C10orf67: variants seen among roughly 807,000 people sequenced by gnomAD.
C10orf67 encodes uncharacterized protein C10orf67, mitochondrial.
C10orf67 carries 60 observed loss-of-function variants against 35.6 expected under a neutral mutation model. That is an observed-to-expected ratio of 1.68 (90% confidence interval 1.37 to 2.09). The LOEUF is 2.09. Among genes scored for constraint, C10orf67 ranks in the 30% most tolerant of loss-of-function variants. C10orf67 has a pLI of 0.00. For synonymous variants in C10orf67, 167 were observed against 115.8 expected (o/e 1.44, Z -2.84); for missense variants, 474 against 330.2 (o/e 1.44, Z -3.38).
At chr10:23,289,766 T>G in intron 7 of C10orf67, 134 bp downstream of exon 7, 2 of 575,468 alleles carry the variant, frequency 3.5e-6, no homozygotes, top group Non-Finnish European at 6.2e-6. Flanking sequence ...CCTTCCCAAA[T>G]AGTGGGGAGA....
chr10:23,247,772 G>GA (rs1219922674), intron 12 of C10orf67, among the ~76,000 whole-genome samples: 1 of 152,176 alleles, frequency 6.6e-6, no homozygotes, highest in African/African-American at 2.4e-5. Flanking sequence ...TTCCCCAAGG[G>GA]AATGATAAGC....
intron 4 of C10orf67, chr10:23,318,511 A>C (rs1844823442): frequency 1.1e-5 from 2 of 183,610 alleles, no homozygotes; most frequent in African/African-American, 4.7e-5. Context: ...ACGCAGCTTC[A>C]CTTCCTCCAC....
At chr10:23,228,272 C>G (rs889596923) in intron 13 of C10orf67, among the ~76,000 whole-genome samples, 1 of 152,094 alleles carries the variant, frequency 6.6e-6, no homozygotes. Context: ...ATAGAGCCCT[C>G]AGAAATAATA....
chr10:23,327,006 C>T (rs1845226769), intron 2 of C10orf67, among the ~76,000 whole-genome samples: 1 of 151,964 alleles, frequency 6.6e-6, no homozygotes, highest in Non-Finnish European at 1.5e-5. Flanking sequence ...GACAGAAGGA[C>T]ACAATTAGAG....
chr10:23,254,374 AT>A (rs536930240), intron 10 of C10orf67, among the ~76,000 whole-genome samples: 126 of 152,036 alleles, frequency 8.3e-4, no homozygotes, highest in African/African-American at 3.0e-3. Context: ...CCCCTGGCTA[AT>A]TTTTTTGTAC....
intron 12 of C10orf67, among the ~76,000 whole-genome samples, chr10:23,243,126 A>C (rs1288529813): frequency 6.6e-5 from 10 of 152,214 alleles, no homozygotes; most frequent in Non-Finnish European, 1.2e-4. Context: ...ATAATGATAG[A>C]TATTACTGAT....
At chr10:23,236,831 C>T (rs1200823005) in intron 13 of C10orf67, among the ~76,000 whole-genome samples, 1 of 152,076 alleles carries the variant, frequency 6.6e-6, no homozygotes, top group African/African-American at 2.4e-5. Context: ...GAGCCAAGAT[C>T]GTGCCATTGT....
In C10orf67 at chr10:23,203,322, C is replaced by A. The variant is rs537822412; in HGVS notation, c.*851G>T. On this transcript the variant is annotated 3_prime_UTR_variant, in exon 16 of 16. Transcript: ENST00000636213. ...CTCCAATTAAATCTTGTTCCTTTTA[C>A]GCACAAATAAATCACCTCTGCAGCT... The A allele has an allele frequency of 6.6e-6, 1 of 152,176 alleles. No homozygotes were observed. Among genetic ancestry groups the A allele is most frequent in the African/African-American group, 2.4e-5 (1 of 41,428 alleles). 9.4% of individuals were successfully genotyped at this position (152,176 alleles called of 1,614,324 possible).
In C10orf67 at chr10:23,323,894, A is replaced by AATATATATAT. The variant is rs137983793; in HGVS notation, c.328-1367_328-1358dup. On this transcript the variant is annotated intron_variant, in intron 2 of 15. Coordinates refer to ENST00000636213, the MANE Select transcript of C10orf67 (RefSeq NM_001371909.1). ...GGGCAGCAGAGCAAGACTCCGTCTA[A>AATATATATAT]ATATATATATATATATATATATATA... is the stretch of plus-strand genomic sequence containing the variant. Among the ~76,000 whole-genome samples, 22 of 42,786 alleles carry AATATATATAT rather than the reference A, an allele frequency of 5.1e-4. 1 individual carries two copies. The highest frequency in any genetic ancestry group is 1.0e-3 in the Non-Finnish European group (17 of 16,922). 28.1% of individuals were successfully genotyped at this position (42,786 alleles called of 152,430 possible). A position where few individuals can be genotyped will look rare whatever the true frequency, so the allele number is the denominator to read the frequency against.
At position 23,305,942 on chromosome 10, in the gene C10orf67, T is replaced by A. The variant is rs563896709; in HGVS notation, c.547-2483A>T. Among the ~76,000 whole-genome samples the A allele has an allele frequency of 2.0e-4, 30 of 151,894 alleles. 1 individual carries two copies. The South Asian group carries it at 4.6e-3, about 23-fold the overall frequency. On this transcript the variant is annotated intron_variant, in intron 4 of 15. Transcript: ENST00000636213. ...AACAACCTAAATATCCATCAACAGATGAATGAAGAAAACGTTACATACGCG... is the reference window on the plus strand; with the variant it reads ...AACAACCTAAATATCCATCAACAGAAGAATGAAGAAAACGTTACATACGCG...
Position 23,314,350 on chromosome 10 carries a change from G to A in C10orf67, c.546+6391C>T, listed in dbSNP as rs116441839. 2.9e-3 allele frequency among the ~76,000 whole-genome samples: 440 copies of A among 152,136 alleles called. 2 individuals carry two copies. Among genetic ancestry groups the A allele is most frequent in the African/African-American group, 9.9e-3 (409 of 41,480 alleles). ...AAAACACACACGTTTGGCCAGGCACGGTGCCTCACACCTATAATCCCAGCA... is the reference window on the plus strand; with the variant it reads ...AAAACACACACGTTTGGCCAGGCACAGTGCCTCACACCTATAATCCCAGCA... On this transcript the variant is annotated intron_variant, in intron 4 of 15. Coordinates refer to ENST00000636213, the MANE Select transcript of C10orf67 (RefSeq NM_001371909.1).
chr10:23,330,525 G>A (rs985431677), intron 2 of C10orf67, among the ~76,000 whole-genome samples: 4 of 152,068 alleles, frequency 2.6e-5, no homozygotes, highest in Non-Finnish European at 4.4e-5. Flanking sequence ...TGGATCACGA[G>A]GTCAGGAGAT....
At chr10:23,224,953 T>A (rs1841694429) in intron 13 of C10orf67, among the ~76,000 whole-genome samples, 1 of 152,162 alleles carries the variant, frequency 6.6e-6, no homozygotes, top group Non-Finnish European at 1.5e-5. Flanking sequence ...CTGCAGGATA[T>A]TATCCAGGAG....
At chr10:23,246,356 A>C (rs554240845) in intron 12 of C10orf67, among the ~76,000 whole-genome samples, 13 of 152,334 alleles carry the variant, frequency 8.5e-5, no homozygotes, top group African/African-American at 2.9e-4. Context: ...CTAAAATAAA[A>C]GTTAGAAAGG....
chr10:23,235,580 TTTGG>T (rs1369824204), intron 13 of C10orf67, among the ~76,000 whole-genome samples: 1 of 152,156 alleles, frequency 6.6e-6, no homozygotes, highest in African/African-American at 2.4e-5. Flanking sequence ...AGTTGTGGAA[TTTGG>T]TTGAACAATT....
chr10:23,264,664 C>T (rs1277720991), intron 10 of C10orf67, among the ~76,000 whole-genome samples: 1 of 152,214 alleles, frequency 6.6e-6, no homozygotes, highest in African/African-American at 2.4e-5. Context: ...GACACCGGAG[C>T]TTCCAAGCTG....
chr10:23,221,969 G>A (rs188896238), intron 15 of C10orf67, among the ~76,000 whole-genome samples: 1 of 152,164 alleles, frequency 6.6e-6, no homozygotes, highest in African/African-American at 2.4e-5. Flanking sequence ...TATGTCCACA[G>A]GCATCTGGTG....
intron 10 of C10orf67, chr10:23,258,473 T>A: frequency 6.0e-6 from 1 of 165,674 alleles, no homozygotes; most frequent in South Asian, 1.8e-4. Context: ...TCACTGGCAA[T>A]TTGGTGTTCC....
chr10:23,278,301 T>G (rs967060202), intron 8 of C10orf67, among the ~76,000 whole-genome samples: 1 of 152,190 alleles, frequency 6.6e-6, no homozygotes, highest in South Asian at 2.1e-4. Flanking sequence ...AAATTAATCC[T>G]GGAAACCCCA....
Sources: gnomAD v4.1 joint callset for allele counts (sites outside exome capture counted in the v4.1 genomes callset) on GRCh38, gnomAD v4.1.1 for gene constraint, MANE v1.5 for transcripts, NCBI Gene and HGNC (gene_info 2026-07-23, HGNC 2026-07-21) for gene names.